Variants in CUX2 observed in about 807,000 individuals in gnomAD.
The protein encoded by CUX2 is cut like homeobox 2.
In CUX2, 40 loss-of-function variants were observed where a neutral mutation model predicts 144.8. The observed-to-expected ratio is 0.28, with a 90% CI of 0.21 to 0.36. The LOEUF is 0.36. Among genes scored for constraint, CUX2 ranks in the 10% least tolerant of loss-of-function variants. The pLI, the probability that CUX2 is intolerant of heterozygous loss-of-function variation, is 1.00. For missense variants in CUX2, 1,615 were observed against 1,994.0 expected (o/e 0.81, Z 3.62); for synonymous variants, 827 against 875.6 (o/e 0.94, Z 0.98).
At chr12:111,192,075 C>T (rs1317323270) in intron 1 of CUX2, among the ~76,000 whole-genome samples, 1 of 152,116 alleles carries the variant, frequency 6.6e-6, no homozygotes, top group African/African-American at 2.4e-5. Flanking sequence ...GCATGCAAAG[C>T]CCCAGGTTCT....
intron 4 of CUX2, among the ~76,000 whole-genome samples, chr12:111,280,926 T>A (rs1565889327): frequency 6.6e-6 from 1 of 152,154 alleles, no homozygotes; most frequent in East Asian, 1.9e-4. Flanking sequence ...GAAACACTGT[T>A]CAGCTCAGTG....
Position 111,312,198 on chromosome 12 carries a change from G to A in CUX2, c.1999G>A (p.Gly667Ser), listed in dbSNP as rs1262267526. 1.2e-6 allele frequency: 2 copies of A among 1,605,710 alleles called. No homozygotes were observed. Among genetic ancestry groups the A allele is most frequent in the Non-Finnish European group, 1.7e-6 (2 of 1,175,216 alleles). Residue 667 changes from glycine (G) to serine (S), a missense_variant, in exon 16 of 22, where the codon GGC becomes AGC. Physicochemically the swap from Gly to Ser is moderately conservative, Grantham distance 56 (BLOSUM62 0). Around this residue, in one of 12 missense-constraint regions of CUX2, gnomAD observed 390 missense variants for 387.1 expected, o/e 1.01. Transcript: ENST00000261726. The surrounding 1 kb of genome is among the most constrained non-coding windows in gnomAD (Gnocchi z 4.3). The stretch of plus-strand genomic sequence containing the variant: ...CAAGAAGGAGATCGAGTCGCAGAAG[G>A]GCGGTGAGTGTGACCCCTGCAGGCA... The part of the protein sequence containing the change: ...QAKKEIESQK[G>S]GEPKTSVAPL...
At chr12:111,132,785 C>A (rs1446572964) in intron 1 of CUX2, among the ~76,000 whole-genome samples, 2 of 152,000 alleles carry the variant, frequency 1.3e-5, no homozygotes, top group South Asian at 2.1e-4. Context: ...CTAGGCTGGT[C>A]TCAAACTCCT....
At chr12:111,125,582 C>CT (rs1253417971) in intron 1 of CUX2, among the ~76,000 whole-genome samples, 1 of 152,212 alleles carries the variant, frequency 6.6e-6, no homozygotes, top group Non-Finnish European at 1.5e-5. Flanking sequence ...TAATTCATTC[C>CT]TTTTTATGGC....
At chr12:111,302,643 A>G (rs1886348210) in intron 9 of CUX2, among the ~76,000 whole-genome samples, 1 of 152,164 alleles carries the variant, frequency 6.6e-6, no homozygotes, top group Non-Finnish European at 1.5e-5. Context: ...TCATGCCTGT[A>G]ATCCCAGCAC....
intron 1 of CUX2, among the ~76,000 whole-genome samples, chr12:111,207,681 A>G (rs1380226603): frequency 6.6e-6 from 1 of 152,212 alleles, no homozygotes; most frequent in Non-Finnish European, 1.5e-5. Context: ...AGTGCACTCA[A>G]TAAATATTAG....
chr12:111,038,093 G>A (rs954766577), intron 1 of CUX2, among the ~76,000 whole-genome samples: 18 of 152,192 alleles, frequency 1.2e-4, no homozygotes, highest in Admixed American at 1.3e-4. Flanking sequence ...ATCTCCTGGC[G>A]CAGGAGAGCA....
intron 4 of CUX2, among the ~76,000 whole-genome samples, chr12:111,286,875 A>G (rs778301319): frequency 6.6e-6 from 1 of 152,150 alleles, no homozygotes; most frequent in Non-Finnish European, 1.5e-5. Context: ...TCTCTAAATA[A>G]TAACAATAAT....
At chr12:111,217,843 C>T (rs761040330) in intron 2 of CUX2, 47 bp from the exon 3 acceptor site, 114 of 1,596,100 alleles carry the variant, frequency 7.1e-5, no homozygotes, top group African/African-American at 2.7e-5. Context: ...GCCACGGGGG[C>T]GTCCCACCTG....
rs758261866 is a variant in CUX2, at chr12:111,217,928, C to T, written c.213C>T (p.Phe71=). 1 of 1,614,008 alleles carries T rather than the reference C, an allele frequency of 6.2e-7. No individual in the cohort carries two copies. The highest frequency in any genetic ancestry group is 8.5e-7 in the Non-Finnish European group (1 of 1,180,034). ...TGGTGGCTCCTGTATTAAAAAGCTT[C>T]CAAGCCGAGGTAAGACCCAGGGCCC... ...REMVAPVLKS[F]QAEVVALSKR... The change falls in exon 3 of 22, where the codon TTC becomes TTT. Residue 71 remains phenylalanine (F), a synonymous_variant. Coordinates refer to ENST00000261726, the MANE Select transcript of CUX2 (RefSeq NM_015267.4).
chr12:111,049,032 A>G (rs973845432), intron 1 of CUX2, among the ~76,000 whole-genome samples: 1 of 152,088 alleles, frequency 6.6e-6, no homozygotes, highest in Non-Finnish European at 1.5e-5. Context: ...CACTGTATCC[A>G]TCCACCTAAC....
rs1315411608 is a variant in CUX2, at chr12:111,061,189, C to CAT, written c.63+26950_63+26951insTA. ...GTGTGCATGCATATGCACACACACA[C>CAT]ACACACACACACACACACACACACA... On this transcript the variant is annotated intron_variant, in intron 1 of 21. Coordinates refer to ENST00000261726, the MANE Select transcript of CUX2 (RefSeq NM_015267.4). The surrounding 1 kb of genome is among the most constrained non-coding windows in gnomAD (Gnocchi z 4.2). Among the ~76,000 whole-genome samples, 1 of 149,836 alleles carries CAT rather than the reference C, an allele frequency of 6.7e-6. No homozygotes were observed. Among genetic ancestry groups the CAT allele is most frequent in the Non-Finnish European group, 1.5e-5 (1 of 67,716 alleles).
At chr12:111,187,285 A>T (rs1222668368) in intron 1 of CUX2, among the ~76,000 whole-genome samples, 1 of 151,778 alleles carries the variant, frequency 6.6e-6, no homozygotes, top group African/African-American at 2.4e-5. Context: ...CTTGCTCGTG[A>T]CTCCTGTAGC....
Position 111,296,551 on chromosome 12 carries a change from C to T in CUX2, c.704+12C>T, listed in dbSNP as rs1367371451. 1.9e-6 allele frequency: 3 copies of T among 1,607,752 alleles called. No homozygotes were observed. Among genetic ancestry groups the T allele is most frequent in the African/African-American group, 1.3e-5 (1 of 74,764 alleles). On this transcript the variant is annotated intron_variant, in intron 8 of 21. Coordinates refer to ENST00000261726, the MANE Select transcript of CUX2 (RefSeq NM_015267.4). ...GAGGCAGCATCCAAGTAAGTGAGCC[C>T]TGCTGAGGTGTACCTCCTCCCTTGG...
chr12:111,084,394 T>C (rs914125918), intron 1 of CUX2, among the ~76,000 whole-genome samples: 2 of 152,180 alleles, frequency 1.3e-5, no homozygotes, highest in African/African-American at 2.4e-5. Context: ...ATTTAGAAAG[T>C]GTGATTTTCA....
chr12:111,129,360 G>A (rs1011530656), intron 1 of CUX2, among the ~76,000 whole-genome samples: 1 of 152,254 alleles, frequency 6.6e-6, no homozygotes, highest in Non-Finnish European at 1.5e-5. Context: ...ACCTGAGCTA[G>A]GACAGTGAAG....
intron 1 of CUX2, among the ~76,000 whole-genome samples, chr12:111,094,026 C>A (rs911811155): frequency 1.3e-5 from 2 of 152,140 alleles, no homozygotes; most frequent in Non-Finnish European, 2.9e-5. Context: ...AGAAGCCTTG[C>A]GAGGCTGTTT....
In CUX2 at chr12:111,307,369, C is replaced by G; in HGVS notation, c.1109+112C>G. 1 of 933,934 alleles carries G rather than the reference C, an allele frequency of 1.1e-6. No individual in the cohort carries two copies. Among genetic ancestry groups the G allele is most frequent in the Non-Finnish European group, 1.6e-6 (1 of 611,576 alleles). The allele number at this position is 933,934 out of a possible 1,614,324, so 57.9% of individuals were successfully genotyped here. ...TACTAAACCCCATTTGTTCTTCTCT[C>G]CACTAACACTGTGGATATCAAACCT... On this transcript the variant is annotated intron_variant, in intron 12 of 21. Coordinates refer to ENST00000261726, the MANE Select transcript of CUX2 (RefSeq NM_015267.4). The surrounding 1 kb of genome is among the most constrained non-coding windows in gnomAD (Gnocchi z 4.1).
intron 8 of CUX2, among the ~76,000 whole-genome samples, chr12:111,298,240 C>T (rs1024820098): frequency 6.6e-6 from 1 of 152,148 alleles, no homozygotes; most frequent in Admixed American, 6.5e-5. Context: ...GTTTTAAAGC[C>T]GGGGGCTGTT....
Sources: gnomAD v4.1 joint callset for allele counts (sites outside exome capture counted in the v4.1 genomes callset) on GRCh38, gnomAD v4.1.1 for gene constraint, gnomAD v4.1.1 regional missense constraint, Gnocchi (gnomAD v3.1) non-coding constraint, MANE v1.5 for transcripts, NCBI Gene and HGNC (gene_info 2026-07-23, HGNC 2026-07-21) for gene names.